ACSF2: variants seen among roughly 807,000 people sequenced by gnomAD.
ACSF2 encodes medium-chain acyl-CoA ligase ACSF2, mitochondrial.
Under a neutral mutation model 79.3 loss-of-function variants are expected in ACSF2, and 52 were observed. The ratio of observed to expected loss-of-function variants is 0.66; its 90% CI spans 0.53 to 0.83. ACSF2 has a LOEUF of 0.83. Among genes scored for constraint, ACSF2 ranks in the 40% least tolerant of loss-of-function variants. The pLI is 0.00. For synonymous variants in ACSF2, 283 were observed against 312.6 expected (o/e 0.91, Z 1.00); for missense variants, 661 against 803.3 (o/e 0.82, Z 2.14).
At position 50,474,170 on chromosome 17, in the gene ACSF2, C is replaced by T. The variant is rs995548416; in HGVS notation, c.1729-29C>T. On this transcript the variant is annotated intron_variant, in intron 14 of 15. Transcript: ENST00000300441. This position sits in a 1 kb window ranked among gnomAD's most constrained non-coding sequence, Gnocchi z 4.2. ...ACCCCTGTGAGCTTGCGCAGCCTCA[C>T]GCCTTACCTCCCTCCCTCTGGTCTG... 26 of 1,613,714 alleles carry T rather than the reference C, an allele frequency of 1.6e-5. No homozygotes were observed. The highest frequency in any genetic ancestry group is 1.2e-4 in the Admixed American group (7 of 60,008).
Position 50,468,380 on chromosome 17 carries a change from G to A in ACSF2, c.1216-2648G>A, listed in dbSNP as rs778831115. 8 of 1,614,146 alleles carry A rather than the reference G, an allele frequency of 5.0e-6. No individual in the cohort carries two copies. Among genetic ancestry groups the A allele is most frequent in the South Asian group, 1.1e-5 (1 of 91,086 alleles). Reference sequence around the variant, plus strand: ...CTGCAAGATGAAGAGGTTGACCAGCGGGGAGAGCAACCCCCGGGGCAGCTC... The same window carrying A: ...CTGCAAGATGAAGAGGTTGACCAGCAGGGAGAGCAACCCCCGGGGCAGCTC... On this transcript the variant is annotated intron_variant, in intron 10 of 15. Transcript: ENST00000300441.
chr17:50,468,590 G>T (rs755237341), intron 10 of ACSF2: 1 of 1,614,154 alleles, frequency 6.2e-7, no homozygotes, highest in Non-Finnish European at 8.5e-7. Flanking sequence ...CACGAGGTTC[G>T]GCATGGCCCG....
chr17:50,468,446 G>A (rs1287589181), intron 10 of ACSF2: 2 of 1,614,110 alleles, frequency 1.2e-6, no homozygotes, highest in South Asian at 1.1e-5. Context: ...GGTCAGCTCG[G>A]TCAGGTCGTC....
At chr17:50,472,395 A>G in intron 11 of ACSF2, 33 bp from the exon 12 acceptor site, 1 of 1,601,288 alleles carries the variant, frequency 6.2e-7, no homozygotes. Context: ...GCAAGAGGAT[A>G]GGAAGCCCCA....
At chr17:50,465,287 C>A in intron 10 of ACSF2, 1 of 1,613,926 alleles carries the variant, frequency 6.2e-7, no homozygotes, top group South Asian at 1.1e-5. Context: ...GTTTACCTGG[C>A]CCCCACCTGT....
intron 10 of ACSF2, chr17:50,468,970 G>A (rs1364414334): frequency 2.2e-6 from 3 of 1,380,774 alleles, no homozygotes; most frequent in African/African-American, 3.1e-5. Flanking sequence ...CGAGGCCACT[G>A]GGCTTAACTC....
At chr17:50,435,409 CT>C (rs749269490) in intron 1 of ACSF2, among the ~76,000 whole-genome samples, 2,014 of 144,636 alleles carry the variant, frequency 0.014, 33 homozygotes, top group African/African-American at 0.043. Context: ...TTTTTTAATC[CT>C]TTTTTTTTTT....
chr17:50,474,408 C>A lies in ACSF2; in HGVS notation c.1798-94C>A. ...CACCTAATCCTGGTTTGCCTGGGGACTTTCCCTGTTTTGGCACTAAGAGCC... is the reference window on the plus strand; with the variant it reads ...CACCTAATCCTGGTTTGCCTGGGGAATTTCCCTGTTTTGGCACTAAGAGCC... On this transcript the variant is annotated intron_variant, in intron 15 of 15. Transcript: ENST00000300441. The surrounding 1 kb of genome is among the most constrained non-coding windows in gnomAD (Gnocchi z 4.2). 1.3e-6 allele frequency: 2 copies of A among 1,524,860 alleles called. No homozygotes were observed. Among genetic ancestry groups the A allele is most frequent in the Non-Finnish European group, 1.8e-6 (2 of 1,101,408 alleles). 94.5% of individuals were successfully genotyped at this position (1,524,860 alleles called of 1,614,324 possible). A position where few individuals can be genotyped will look rare whatever the true frequency, so the allele number is the denominator to read the frequency against.
chr17:50,446,615 C>A (rs2031317675), intron 1 of ACSF2, among the ~76,000 whole-genome samples: 1 of 152,192 alleles, frequency 6.6e-6, no homozygotes, highest in Non-Finnish European at 1.5e-5. Flanking sequence ...GCACTCAAAT[C>A]AAGACACAGA....
At chr17:50,465,814 G>A (rs1044608951) in intron 10 of ACSF2, 2 of 1,613,762 alleles carry the variant, frequency 1.2e-6, no homozygotes, top group Non-Finnish European at 1.7e-6. Flanking sequence ...TCAAGCGGTT[G>A]TTCTCCAAAT....
At chr17:50,462,089 G>A (rs187750666) in intron 4 of ACSF2, 95 bp from the exon 5 acceptor site, 80 of 997,960 alleles carry the variant, frequency 8.0e-5, no homozygotes, top group Middle Eastern at 2.1e-4. Flanking sequence ...AGAAGCGGGT[G>A]CATCTGTATG....
At chr17:50,466,046 C>G (rs950803458) in intron 10 of ACSF2, among the ~76,000 whole-genome samples, 5 of 151,942 alleles carry the variant, frequency 3.3e-5, no homozygotes, top group African/African-American at 1.2e-4. Context: ...TCTACACAAC[C>G]CCCTTTGAGA....
chr17:50,460,710 C>T lies in ACSF2; in HGVS notation c.162C>T (p.Pro54=), dbSNP rs1348978489. Residue 54 remains proline (P), a synonymous_variant, in exon 2 of 16, where the codon CCC becomes CCT. Transcript: ENST00000300441. ...AGGTGGATCGCATGGTCTCCACGCCCATCGGAGGCCTCAGCTACGTTCAGG... is the reference window on the plus strand; with the variant it reads ...AGGTGGATCGCATGGTCTCCACGCCTATCGGAGGCCTCAGCTACGTTCAGG... The part of the protein sequence containing the change: ...SREVDRMVST[P]IGGLSYVQGC... 1.9e-6 allele frequency: 3 copies of T among 1,613,128 alleles called. No individual in the cohort carries two copies. In the South Asian group the frequency reaches 3.3e-5, roughly 18 times the overall value.
rs762384229 is a variant in ACSF2, at chr17:50,473,732, CG to C, written c.1547del (p.Gly516ValfsTer28). The C allele has an allele frequency of 1.8e-5, 29 of 1,614,078 alleles. No homozygotes were observed. The highest frequency in any genetic ancestry group is 2.5e-6 in the Non-Finnish European group (3 of 1,180,046). The stretch of plus-strand genomic sequence containing the variant: ...GGGCCGCTCTAAGGATATGATCATC[CG>C]GGGTGGTGAGAACATCTACCCCGCA... ...IVGRSKDMII[R>X]GGENIYPAEL... is the part of the protein sequence containing the mutation. On this transcript the variant is annotated frameshift_variant, in exon 13 of 16. Coordinates refer to ENST00000300441, the MANE Select transcript of ACSF2 (RefSeq NM_025149.6). LOFTEE classifies it high-confidence loss of function.
rs957514888 is a variant in ACSF2 at position 50,427,047 on chromosome 17, G to A, written c.128+658G>A. The stretch of plus-strand genomic sequence containing the variant: ...ACCCCGTGAGATGGCAAATGTGAAA[G>A]TGCTTGAGACACAGAGAGCAGGCTG... On this transcript the variant is annotated intron_variant, in intron 1 of 15. Transcript: ENST00000300441. The A allele has an allele frequency of 2.0e-6, 3 of 1,490,008 alleles. No individual in the cohort carries two copies. In the African/African-American group the frequency reaches 4.2e-5, roughly 21 times the overall value. The allele number at this position is 1,490,008 out of a possible 1,614,324, so 92.3% of individuals were successfully genotyped here. A position where few individuals can be genotyped will look rare whatever the true frequency, so the allele number is the denominator to read the frequency against.
At chr17:50,432,329 C>T (rs1342638341) in intron 1 of ACSF2, among the ~76,000 whole-genome samples, 1 of 152,188 alleles carries the variant, frequency 6.6e-6, no homozygotes, top group Non-Finnish European at 1.5e-5. Flanking sequence ...AGCAACCTGT[C>T]CTAGTGGTGA....
chr17:50,466,383 C>G (rs2032729551), intron 10 of ACSF2, among the ~76,000 whole-genome samples: 1 of 152,180 alleles, frequency 6.6e-6, no homozygotes, highest in East Asian at 1.9e-4. Context: ...GCCACCACGC[C>G]CAGCCAGGTG....
intron 10 of ACSF2, chr17:50,465,393 G>A: frequency 8.1e-6 from 13 of 1,614,092 alleles, no homozygotes; most frequent in Non-Finnish European, 1.1e-5. Context: ...AACTTGGCAG[G>A]TGAGGCACAG....
Position 50,460,778 on chromosome 17 carries a change from G to A in ACSF2, c.230G>A (p.Cys77Tyr), listed in dbSNP as rs758210033. 50 of 1,612,986 alleles carry A rather than the reference G, an allele frequency of 3.1e-5. No individual in the cohort carries two copies. The highest frequency in any genetic ancestry group is 3.9e-5 in the Non-Finnish European group (46 of 1,179,550). ...KHLNSKTVGQ[C>Y]LETTAQRVPE... ...CTTAACAGCAAGACTGTGGGCCAGT[G>A]CCTGGAGACCACAGCACAGAGGGTC... The change falls in exon 2 of 16, where the codon TGC (cysteine) becomes TAC (tyrosine). Residue 77 changes from cysteine to tyrosine, a missense_variant. Physicochemically the swap from Cys to Tyr is radical, Grantham distance 194. Transcript: ENST00000300441.
Sources: allele counts gnomAD v4.1 joint callset (sites outside exome capture counted in the v4.1 genomes callset), GRCh38; gene constraint gnomAD v4.1.1; non-coding constraint Gnocchi (gnomAD v3.1); transcripts MANE v1.5; gene names NCBI Gene and HGNC (gene_info 2026-07-23, HGNC 2026-07-21).